Variants in CLASP2 observed in about 807,000 individuals in gnomAD.
CLASP2 encodes cytoplasmic linker associated protein 2, also known as CLIP-associating protein 2.
Under a neutral mutation model 194.4 loss-of-function variants are expected in CLASP2, and 47 were observed. The observed-to-expected ratio is 0.24, with a 90% CI of 0.19 to 0.31. CLASP2 has a LOEUF of 0.31. Among genes scored for constraint, CLASP2 ranks in the 10% least tolerant of loss-of-function variants. The probability of loss-of-function intolerance (pLI) is 1.00; values close to 1 mark genes in which losing one functional copy is unlikely to be tolerated. For missense variants in CLASP2, 1,445 were observed against 1,823.6 expected (o/e 0.79, Z 3.78); for synonymous variants, 619 against 633.5 (o/e 0.98, Z 0.34).
chr3:33,695,362 C>T (rs1008616850), intron 2 of CLASP2, among the ~76,000 whole-genome samples: 3 of 150,316 alleles, frequency 2.0e-5, no homozygotes, highest in African/African-American at 7.4e-5. Flanking sequence ...AGTCCATGGG[C>T]CTACTATAGA....
chr3:33,661,255 A>G (rs556493662), intron 7 of CLASP2, among the ~76,000 whole-genome samples: 1 of 152,278 alleles, frequency 6.6e-6, no homozygotes, highest in South Asian at 2.1e-4. Context: ...TTTATGATCT[A>G]TCTCCATCAC....
chr3:33,579,321 A>G (rs1212868600), intron 23 of CLASP2, among the ~76,000 whole-genome samples: 1 of 152,230 alleles, frequency 6.6e-6, no homozygotes, highest in African/African-American at 2.4e-5. Flanking sequence ...ACTAGACAAA[A>G]TATTTCTTTA....
At chr3:33,717,124 C>A (rs1393810116) in intron 1 of CLASP2, among the ~76,000 whole-genome samples, 1 of 152,204 alleles carries the variant, frequency 6.6e-6, no homozygotes, top group African/African-American at 2.4e-5. Context: ...AACTTTTTCC[C>A]CCCCAGCATT....
chr3:33,602,980 GGCACCT>G lies in CLASP2; in HGVS notation c.1890_1895del (p.Gly631_Ala632del), dbSNP rs2072710594. 1 of 1,610,738 alleles carries G rather than the reference GGCACCT, an allele frequency of 6.2e-7. No individual in the cohort carries two copies. The highest frequency in any genetic ancestry group is 2.2e-5 in the East Asian group (1 of 44,782). On this transcript the variant is annotated inframe_deletion, in exon 18 of 39. Transcript: ENST00000682230. ...GTGACGCATAGGAACCTGCATTCAG[GGCACCT>G]GCACCTAAGCGCCCGCTTCGCACAG...
chr3:33,520,693 G>A (rs537359173), intron 34 of CLASP2, among the ~76,000 whole-genome samples: 7 of 152,206 alleles, frequency 4.6e-5, no homozygotes, highest in Admixed American at 6.5e-5. Context: ...TAAAGATAAC[G>A]AAAGCTAGGT....
chr3:33,694,488 A>G (rs1575637836), intron 2 of CLASP2, among the ~76,000 whole-genome samples: 1 of 152,218 alleles, frequency 6.6e-6, no homozygotes, highest in African/African-American at 2.4e-5. Flanking sequence ...AACAGTCACA[A>G]ACACAAATGT....
intron 21 of CLASP2, among the ~76,000 whole-genome samples, chr3:33,586,520 T>A (rs1228565154): frequency 1.3e-5 from 2 of 152,136 alleles, no homozygotes; most frequent in Non-Finnish European, 2.9e-5. Flanking sequence ...TCAGAGACTG[T>A]GCATGGGTTT....
chr3:33,634,456 T>G (rs1410758534), intron 8 of CLASP2, among the ~76,000 whole-genome samples: 1 of 152,212 alleles, frequency 6.6e-6, no homozygotes, highest in Non-Finnish European at 1.5e-5. Flanking sequence ...TGGCTGTGTT[T>G]CAATAAAACT....
intron 11 of CLASP2, 132 bp from the exon 12 acceptor site, chr3:33,619,870 A>C (rs921919979): frequency 8.3e-6 from 6 of 718,732 alleles, no homozygotes; most frequent in Non-Finnish European, 1.2e-5. Context: ...TGGCAGAAAA[A>C]CAGAAGAAAG....
At chr3:33,559,202 C>A in intron 29 of CLASP2, 105 bp downstream of exon 29, 2 of 809,420 alleles carry the variant, frequency 2.5e-6, no homozygotes, top group South Asian at 3.0e-5. Flanking sequence ...ACAAAACCCA[C>A]TGATTGAACA....
At chr3:33,524,656 TA>T (rs1315435056) in intron 34 of CLASP2, among the ~76,000 whole-genome samples, 3 of 150,644 alleles carry the variant, frequency 2.0e-5, no homozygotes, top group South Asian at 4.2e-4. Context: ...TGTCTTAGGA[TA>T]AAAAAAAGAA....
intron 31 of CLASP2, among the ~76,000 whole-genome samples, chr3:33,544,387 C>G (rs1266432438): frequency 2.0e-5 from 3 of 152,120 alleles, no homozygotes; most frequent in East Asian, 1.9e-4. Context: ...ATCTAAAGAG[C>G]ATGTCCTGAT....
chr3:33,546,514 T>A (rs774616180), intron 30 of CLASP2, among the ~76,000 whole-genome samples: 34 of 152,234 alleles, frequency 2.2e-4, no homozygotes, highest in Non-Finnish European at 3.5e-4. Flanking sequence ...ATACAGATTT[T>A]AAAAAACCAG....
At chr3:33,617,931 T>G (rs2076455521) in intron 12 of CLASP2, among the ~76,000 whole-genome samples, 1 of 143,584 alleles carries the variant, frequency 7.0e-6, no homozygotes, top group Admixed American at 7.1e-5. Context: ...TAATTATTAT[T>G]ATTATATATA....
chr3:33,694,508 A>G (rs1242623463), intron 2 of CLASP2, among the ~76,000 whole-genome samples: 1 of 152,234 alleles, frequency 6.6e-6, no homozygotes, highest in African/African-American at 2.4e-5. Context: ...TTTATGGTCA[A>G]GGAGACACAG....
intron 6 of CLASP2, among the ~76,000 whole-genome samples, chr3:33,671,575 T>A (rs1454006280): frequency 6.6e-6 from 1 of 151,844 alleles, no homozygotes; most frequent in Non-Finnish European, 1.5e-5. Flanking sequence ...CACTAGGGAG[T>A]GCCAGACAGT....
chr3:33,521,179 C>G (rs2052972639), intron 34 of CLASP2, among the ~76,000 whole-genome samples: 1 of 151,884 alleles, frequency 6.6e-6, no homozygotes, highest in South Asian at 2.1e-4. Context: ...CCTACTGTTA[C>G]AAAAATGTAT....
intron 18 of CLASP2, among the ~76,000 whole-genome samples, chr3:33,602,198 G>A (rs562334936): frequency 6.6e-6 from 1 of 152,036 alleles, no homozygotes; most frequent in Admixed American, 6.5e-5. Flanking sequence ...ATTTTTAGTA[G>A]AGATAGGGTT....
chr3:33,674,690 C>A (rs2088143105), intron 6 of CLASP2, among the ~76,000 whole-genome samples: 1 of 151,740 alleles, frequency 6.6e-6, no homozygotes, highest in Non-Finnish European at 1.5e-5. Context: ...AGACTGCTAG[C>A]AAGACTAATA....
Sources: allele counts gnomAD v4.1 joint callset (sites outside exome capture counted in the v4.1 genomes callset), GRCh38; gene constraint gnomAD v4.1.1; transcripts MANE v1.5; gene names NCBI Gene and HGNC (gene_info 2026-07-23, HGNC 2026-07-21).